TNRC6B: variants seen among roughly 807,000 people sequenced by gnomAD.
The protein encoded by TNRC6B is trinucleotide repeat containing adaptor 6B, also known as trinucleotide repeat-containing gene 6B protein.
TNRC6B carries 52 observed loss-of-function variants against 203.6 expected under a neutral mutation model. The observed-to-expected ratio is 0.26, with a 90% CI of 0.20 to 0.32. TNRC6B has a LOEUF of 0.32. Ranked by LOEUF, TNRC6B falls within the 10% of genes least tolerant of loss-of-function variation. The pLI is 1.00. For missense variants in TNRC6B, 1,923 were observed against 2,286.2 expected (o/e 0.84, Z 3.24); for synonymous variants, 838 against 845.7 (o/e 0.99, Z 0.16).
intron 1 of TNRC6B, among the ~76,000 whole-genome samples, chr22:40,063,913 G>C (rs910707245): frequency 6.6e-6 from 1 of 152,018 alleles, no homozygotes; most frequent in Non-Finnish European, 1.5e-5. Flanking sequence ...ATGTTGCCTA[G>C]GTTGGTCTCG....
rs536024986 is a variant in TNRC6B at position 40,167,369 on chromosome 22, CT to C, written c.113+11189del. Among the ~76,000 whole-genome samples the C allele has an allele frequency of 3.9e-5, 6 of 152,062 alleles. No homozygotes were observed. In the South Asian group the frequency reaches 1.2e-3, roughly 32 times the overall value. On this transcript the variant is annotated intron_variant, in intron 4 of 23. Transcript: ENST00000301923. ...TATATAATTCCATTTATCCAAGGTACTTAGAGCAGTCAGTTTAGAGACAGAA... is the reference window on the plus strand; with the variant it reads ...TATATAATTCCATTTATCCAAGGTACTAGAGCAGTCAGTTTAGAGACAGAA...
chr22:40,156,864 A>G (rs954262602), intron 4 of TNRC6B, among the ~76,000 whole-genome samples: 1 of 150,186 alleles, frequency 6.7e-6, no homozygotes, highest in Non-Finnish European at 1.5e-5. Flanking sequence ...GGTTCAAGCA[A>G]TTCTCCTTCC....
intron 7 of TNRC6B, among the ~76,000 whole-genome samples, chr22:40,275,867 GA>G (rs770098795): frequency 1.1e-4 from 17 of 151,546 alleles, no homozygotes; most frequent in Admixed American, 2.0e-4. Flanking sequence ...GATGAGGCAG[GA>G]GAATTGCTTG....
chr22:40,219,512 TC>T (rs1030772184), intron 1 of TNRC6B, among the ~76,000 whole-genome samples: 3 of 152,126 alleles, frequency 2.0e-5, no homozygotes, highest in Non-Finnish European at 4.4e-5. Context: ...GGGCCCTCCC[TC>T]CCGGTCTGTA....
At position 40,251,100 on chromosome 22, in the gene TNRC6B, T is replaced by C. The variant is rs994374159; in HGVS notation, c.94-79T>C. ...GCCTGACAGCTTGGATTACTTGAGT[T>C]ATCAGACTAAAGTAGTCTGAAAATA... On this transcript the variant is annotated intron_variant, in intron 2 of 22. Coordinates refer to ENST00000454349, the MANE Select transcript of TNRC6B (RefSeq NM_001162501.2). The C allele has an allele frequency of 3.2e-6, 4 of 1,239,600 alleles. No homozygotes were observed. The Admixed American group carries it at 1.1e-4, about 35-fold the overall frequency. 76.8% of individuals were successfully genotyped at this position (1,239,600 alleles called of 1,614,324 possible).
Position 40,331,584 on chromosome 22 carries a change from C to G in TNRC6B, c.*8343C>G, listed in dbSNP as rs552453305. The G allele has an allele frequency of 8.1e-6, 3 of 369,684 alleles. No individual in the cohort carries two copies. Among genetic ancestry groups the G allele is most frequent in the Non-Finnish European group, 4.8e-6 (1 of 208,006 alleles). The allele number at this position is 369,684 out of a possible 1,614,324, so 22.9% of individuals were successfully genotyped here. A position where few individuals can be genotyped will look rare whatever the true frequency, so the allele number is the denominator to read the frequency against. ...TTTGCTCTCATTCCTCTCTCATGGC[C>G]TTGAAATGTATTATTATGCAAATGT... On this transcript the variant is annotated 3_prime_UTR_variant, in exon 23 of 23. Transcript: ENST00000454349.
At chr22:40,142,621 T>C (rs2068654566) in intron 3 of TNRC6B, among the ~76,000 whole-genome samples, 1 of 152,174 alleles carries the variant, frequency 6.6e-6, no homozygotes, top group Non-Finnish European at 1.5e-5. Flanking sequence ...TTGACTAGAG[T>C]TTAATCACAT....
chr22:40,320,379 C>G (rs2071319303), intron 21 of TNRC6B, among the ~76,000 whole-genome samples: 1 of 152,166 alleles, frequency 6.6e-6, no homozygotes, highest in African/African-American at 2.4e-5. Flanking sequence ...ACTCAGGATG[C>G]TGAGGCAGGA....
intron 3 of TNRC6B, chr22:40,156,085 G>A: frequency 1.3e-6 from 2 of 1,560,364 alleles, no homozygotes; most frequent in Non-Finnish European, 1.7e-6. Context: ...GTTACTGACT[G>A]CTGCTGACCT....
chr22:40,299,860 G>A (rs1028174667), intron 12 of TNRC6B, among the ~76,000 whole-genome samples: 4 of 152,178 alleles, frequency 2.6e-5, no homozygotes, highest in East Asian at 3.9e-4. Context: ...ATCCTCTGTC[G>A]CCAGAGCTTC....
intron 3 of TNRC6B, chr22:40,253,649 A>G (rs1393653193): frequency 4.4e-6 from 2 of 456,482 alleles, no homozygotes; most frequent in East Asian, 6.9e-5. Context: ...AGGCCATTTC[A>G]GTCTCCTAAG....
chr22:40,136,656 AC>A (rs1411948419), intron 3 of TNRC6B, among the ~76,000 whole-genome samples: 1 of 151,294 alleles, frequency 6.6e-6, no homozygotes, highest in Non-Finnish European at 1.5e-5. Context: ...AGATCCTCCC[AC>A]CTTAGCCTCC....
rs60622890 is a variant in TNRC6B at position 40,281,495 on chromosome 22, A to ATT, written c.3582+216_3582+217dup. Among the ~76,000 whole-genome samples, 114 of 148,232 alleles carry ATT rather than the reference A, an allele frequency of 7.7e-4. 1 individual carries two copies. The highest frequency in any genetic ancestry group is 3.5e-3 in the Middle Eastern group (1 of 288). On this transcript the variant is annotated intron_variant, in intron 11 of 22. Transcript: ENST00000454349. Reference sequence around the variant, plus strand: ...AACACGGATTTTATTTTAAACCTGTATTTTTTTTTTTGTCTCCTCATTTTT... The same window carrying ATT: ...AACACGGATTTTATTTTAAACCTGTATTTTTTTTTTTTTGTCTCCTCATTTTT...
chr22:40,269,126 CTTTTTTT>C (rs35575346), intron 5 of TNRC6B, among the ~76,000 whole-genome samples: 4 of 57,874 alleles, frequency 6.9e-5, no homozygotes, highest in South Asian at 8.5e-4. Context: ...TACAGTATTT[CTTTTTTT>C]TTTTTTTTTT....
chr22:40,265,689 G>C lies in TNRC6B; in HGVS notation c.1459G>C (p.Gly487Arg), dbSNP rs376115865. The C allele has an allele frequency of 1.2e-6, 2 of 1,613,892 alleles. No individual in the cohort carries two copies. The highest frequency in any genetic ancestry group is 1.7e-6 in the Non-Finnish European group (2 of 1,179,862). ...GTCTACGGGTGGGTCCTGGAACTTT[G>C]GCCCCCAGGACTCTAATGACAACAA... is the stretch of plus-strand genomic sequence containing the variant. Reference protein sequence around the residue: ...NRSTGGSWNFGPQDSNDNKWG... With the variant: ...NRSTGGSWNFRPQDSNDNKWG... Residue 487 changes from glycine (G) to arginine (R), a missense_variant, in exon 5 of 23, where the codon GGC becomes CGC. Physicochemically the swap from Gly to Arg is moderately radical, Grantham distance 125. Transcript: ENST00000454349.
intron 15 of TNRC6B, among the ~76,000 whole-genome samples, chr22:40,302,159 C>A (rs2071032209): frequency 6.6e-6 from 1 of 152,068 alleles, no homozygotes; most frequent in African/African-American, 2.4e-5. Context: ...TTTTGGCAGG[C>A]AAATCATAGC....
intron 1 of TNRC6B, among the ~76,000 whole-genome samples, chr22:40,211,119 T>A (rs996562484): frequency 2.1e-4 from 32 of 152,210 alleles, no homozygotes; most frequent in African/African-American, 6.3e-4. Flanking sequence ...CTTCATCTTC[T>A]TCTTCTTTTT....
At chr22:40,171,085 T>C (rs2068992030) in intron 4 of TNRC6B, among the ~76,000 whole-genome samples, 1 of 149,632 alleles carries the variant, frequency 6.7e-6, no homozygotes, top group East Asian at 2.0e-4. Flanking sequence ...TATGTTTATA[T>C]ATATGTATGT....
intron 3 of TNRC6B, among the ~76,000 whole-genome samples, chr22:40,137,829 C>T (rs2068612667): frequency 6.6e-6 from 1 of 151,834 alleles, no homozygotes; most frequent in Admixed American, 6.6e-5. Flanking sequence ...ACTAAAAATA[C>T]AAAAATTAGC....
Sources: allele counts gnomAD v4.1 joint callset (sites outside exome capture counted in the v4.1 genomes callset), GRCh38; gene constraint gnomAD v4.1.1; transcripts MANE v1.5; gene names NCBI Gene and HGNC (gene_info 2026-07-23, HGNC 2026-07-21).